The following SLC6A12 variants were observed in gnomAD, a reference collection of about 807,000 sequenced individuals.
The protein encoded by SLC6A12 is sodium- and chloride-dependent betaine transporter.
A neutral mutation model predicts 73.3 loss-of-function variants in SLC6A12; 50 were observed. That is an observed-to-expected ratio of 0.68 (90% confidence interval 0.54 to 0.86). The LOEUF is 0.86. Among genes scored for constraint, SLC6A12 ranks in the 40% least tolerant of loss-of-function variants. The pLI, the probability that SLC6A12 is intolerant of heterozygous loss-of-function variation, is 0.00. For synonymous variants in SLC6A12, 304 were observed against 309.2 expected, an observed-to-expected ratio of 0.98 and a Z score of 0.18; for missense variants, 648 against 772.8, an observed-to-expected ratio of 0.84 and a Z score of 1.92.
intron 13 of SLC6A12, 120 bp downstream of exon 13, chr12:195,105 C>T (rs1486088873): frequency 7.0e-6 from 5 of 710,896 alleles, no homozygotes; most frequent in African/African-American, 5.3e-5. Flanking sequence ...AGGGCAACAG[C>T]GCAAAGACAC....
In SLC6A12 at chr12:200,671, C is replaced by T; in HGVS notation, c.691G>A (p.Gly231Arg). The T allele has an allele frequency of 6.2e-7, 1 of 1,614,120 alleles. No individual in the cohort carries two copies. Among genetic ancestry groups the T allele is most frequent in the Non-Finnish European group, 8.5e-7 (1 of 1,180,012 alleles). Residue 231 changes from glycine to arginine, a missense_variant, in exon 7 of 16, where the codon GGG becomes AGG. By Grantham distance (125) the Gly-to-Arg change is moderately radical. Transcript: ENST00000684302. ...CTCACCTTGCCTGTGGACTTGACCC[C>T]CTTCCAGATGCAGAAATAGCAGATG... ...WVICYFCIWK[G>R]VKSTGKVVYF... is the part of the protein sequence containing the mutation.
intron 4 of SLC6A12, among the ~76,000 whole-genome samples, 179 bp from the exon 5 acceptor site, chr12:203,059 CTTTTTTTTTTT>C (rs10582500): frequency 1.5e-5 from 1 of 68,340 alleles, no homozygotes; most frequent in African/African-American, 6.3e-5. Flanking sequence ...TTTTTCTTTT[CTTTTTTTTTTT>C]TTTTTTTTTT....
intron 3 of SLC6A12, 67 bp from the exon 4 acceptor site, chr12:204,765 C>T: frequency 6.4e-7 from 1 of 1,570,294 alleles, no homozygotes; most frequent in Non-Finnish European, 8.7e-7. Flanking sequence ...TCCTTTCAGA[C>T]CCTCCTCCCC....
chr12:197,192 T>C (rs1285904816), intron 10 of SLC6A12, among the ~76,000 whole-genome samples, 185 bp downstream of exon 10: 9 of 54,848 alleles, frequency 1.6e-4, no homozygotes, highest in Middle Eastern at 8.3e-3. Context: ...CATCCATCCA[T>C]CCATTCATCC....
In SLC6A12 at chr12:196,195, C is replaced by T. The variant is rs914585789; in HGVS notation, c.1255G>A (p.Gly419Arg). 4.5e-5 allele frequency: 72 copies of T among 1,589,424 alleles called. 1 individual carries two copies. Among genetic ancestry groups the T allele is most frequent in the Admixed American group, 7.3e-5 (4 of 54,796 alleles). ...DMFPRQLRKSGRRELLILTIA... is the reference protein window; with the variant it reads ...DMFPRQLRKSRRRELLILTIA... ...GTGAGGATGAGGAGCTCGCGCCGCC[C>T]GCTCTTCCGGAGCTGCCTGGGGAAC... Residue 419 changes from glycine (G) to arginine (R), a missense_variant, in exon 12 of 16, where the codon GGG (glycine) becomes AGG (arginine). By Grantham distance (125) the Gly-to-Arg change is moderately radical. Coordinates refer to ENST00000684302, the MANE Select transcript of SLC6A12 (RefSeq NM_001122848.3).
At chr12:192,331 T>G in intron 15 of SLC6A12, 147 bp downstream of exon 15, 1 of 669,336 alleles carries the variant, frequency 1.5e-6, no homozygotes. Flanking sequence ...TCTTCAAAGT[T>G]CGTCTCGTTA....
downstream of SLC6A12, among the ~76,000 whole-genome samples, chr12:187,592 A>G (rs543891574): frequency 2.0e-4 from 1 of 4,886 alleles, no homozygotes; most frequent in Non-Finnish European, 2.7e-3. Flanking sequence ...AAAAGAGCAA[A>G]AAAAAAAAAA....
downstream of SLC6A12, among the ~76,000 whole-genome samples, chr12:185,842 T>G (rs3890993): frequency 0.049 from 7,491 of 152,302 alleles, 608 homozygotes; most frequent in African/African-American, 0.17. Context: ...CTGCCAGGCT[T>G]GGCTCTCATC....
At chr12:187,589 C>CAAAAAAAAAAAAAAAAAA (rs761187495), downstream of SLC6A12, among the ~76,000 whole-genome samples, 36 of 106,046 alleles carry the variant, frequency 3.4e-4, 2 homozygotes, top group South Asian at 1.1e-3. Flanking sequence ...TGCAAAAGAG[C>CAAAAAAAAAAAAAAAAAA]AAAAAAAAAA....
rs1316929418 is a variant in SLC6A12 at position 213,984 on chromosome 12, T to A, written c.-205A>T. The A allele has an allele frequency of 1.3e-5, 2 of 150,344 alleles. No individual in the cohort carries two copies. The highest frequency in any genetic ancestry group is 3.0e-5 in the Non-Finnish European group (2 of 67,704). The allele number at this position is 150,344 out of a possible 1,614,324, so 9.3% of individuals were successfully genotyped here. ...TGTGGGCATCAGGTCTCCAGGAGAG[T>A]CCCAAGGCAGCTGCTTATGGGAAAG... On this transcript the variant is annotated 5_prime_UTR_variant, in exon 1 of 16. Transcript: ENST00000684302. This position sits in a 1 kb window ranked among gnomAD's most constrained non-coding sequence, Gnocchi z 5.3.
chr12:185,901 A>G (rs113948061), downstream of SLC6A12, among the ~76,000 whole-genome samples: 463 of 152,344 alleles, frequency 3.0e-3, 3 homozygotes, highest in African/African-American at 0.01. Flanking sequence ...CGCTGCATCA[A>G]TGGGTGGTTA....
chr12:197,260 A>T, intron 10 of SLC6A12, 117 bp downstream of exon 10: 1 of 1,193,858 alleles, frequency 8.4e-7, no homozygotes, highest in South Asian at 1.7e-5. Context: ...ATTAAAACCT[A>T]CTACCCATAA....
In SLC6A12 at chr12:190,756, C is replaced by T. The variant is rs1939557516; in HGVS notation, c.*312G>A. 9.4e-6 allele frequency: 2 copies of T among 213,404 alleles called. No individual in the cohort carries two copies. The highest frequency in any genetic ancestry group is 1.9e-4 in the East Asian group (2 of 10,364). 13.2% of individuals were successfully genotyped at this position (213,404 alleles called of 1,614,324 possible). On this transcript the variant is annotated 3_prime_UTR_variant, in exon 16 of 16. Coordinates refer to ENST00000684302, the MANE Select transcript of SLC6A12 (RefSeq NM_001122848.3). ...AGAGGCATCCCCACAGTGGAATCCT[C>T]ATAACTCGAGGTGTTGCAATCAGAT...
At chr12:209,385 G>T (rs1565479568) in intron 3 of SLC6A12, among the ~76,000 whole-genome samples, 1 of 152,160 alleles carries the variant, frequency 6.6e-6, no homozygotes, top group Admixed American at 6.5e-5. Context: ...CTCCCACGGA[G>T]GGTGGCACAC....
chr12:193,330 G>GC lies in SLC6A12; in HGVS notation c.1476dup (p.Pro493AlafsTer84). The GC allele has an allele frequency of 6.2e-7, 1 of 1,614,106 alleles. No homozygotes were observed. Among genetic ancestry groups the GC allele is most frequent in the Non-Finnish European group, 8.5e-7 (1 of 1,179,980 alleles). ...CAGGAGATCTTCACCAGGGGCCATG[G>GC]CCGGTAGCCAATCATGTCCTCAATG... On this transcript the variant is annotated frameshift_variant, in exon 14 of 16. Transcript: ENST00000684302. LOFTEE classifies it high-confidence loss of function.
rs1284153403 is a variant in SLC6A12, at chr12:196,857, G to A, written c.1101C>T (p.Phe367=). The change falls in exon 11 of 16, where the codon TTC becomes TTT. Residue 367 remains phenylalanine, a synonymous_variant. Coordinates refer to ENST00000684302, the MANE Select transcript of SLC6A12 (RefSeq NM_001122848.3). The part of the protein sequence containing the change: ...ESGPGLAFIA[F]PKAVTMMPLS... Reference sequence around the variant, plus strand: ...AGGGCATCATAGTCACAGCCTTGGGGAAGGCGATGAAGGCCAGCCCAGGAC... The same window carrying A: ...AGGGCATCATAGTCACAGCCTTGGGAAAGGCGATGAAGGCCAGCCCAGGAC... 16 of 1,613,750 alleles carry A rather than the reference G, an allele frequency of 9.9e-6. No individual in the cohort carries two copies. Among genetic ancestry groups the A allele is most frequent in the Non-Finnish European group, 1.4e-5 (16 of 1,179,864 alleles).
Position 213,731 on chromosome 12 carries a change from G to A in SLC6A12, c.-143+191C>T, listed in dbSNP as rs375515543. 3.9e-5 allele frequency: 6 copies of A among 152,674 alleles called. No homozygotes were observed. In the East Asian group the frequency reaches 9.6e-4, roughly 25 times the overall value. 9.5% of individuals were successfully genotyped at this position (152,674 alleles called of 1,614,324 possible). On this transcript the variant is annotated intron_variant, in intron 1 of 15. Transcript: ENST00000684302. The surrounding 1 kb of genome is among the most constrained non-coding windows in gnomAD (Gnocchi z 5.3). ...CCCACGCTGGATGGGGCGGAGCTAG[G>A]GGGCACCCCTTGTCCTGAGAGTCGT...
chr12:184,340 G>A, the SLC6A12 span, among the ~76,000 whole-genome samples: 2 of 152,152 alleles, frequency 1.3e-5, no homozygotes, highest in Non-Finnish European at 2.9e-5. Context: ...AAAATCATCA[G>A]CTGGCCAGGC....
At chr12:200,525 C>T in intron 7 of SLC6A12, 126 bp downstream of exon 7, 1 of 1,053,606 alleles carries the variant, frequency 9.5e-7, no homozygotes, top group South Asian at 1.6e-5. Context: ...CTAGGCATCT[C>T]CCCTGCCCTG....
Sources: gnomAD v4.1 joint callset for allele counts (sites outside exome capture counted in the v4.1 genomes callset) on GRCh38, gnomAD v4.1.1 for gene constraint, Gnocchi (gnomAD v3.1) non-coding constraint, MANE v1.5 for transcripts, NCBI Gene and HGNC (gene_info 2026-07-23, HGNC 2026-07-21) for gene names.